Variants in FLVCR2 observed in about 807,000 individuals in gnomAD.
FLVCR2 encodes choline/ethanolamine transporter FLVCR2.
A neutral mutation model predicts 48.9 loss-of-function variants in FLVCR2; 38 were observed. That is an observed-to-expected ratio of 0.78 (90% confidence interval 0.60 to 1.02). FLVCR2 has a LOEUF of 1.02. FLVCR2 is among the 50% of genes least tolerant of loss of function. The pLI is 0.00. For missense variants in FLVCR2, 664 were observed against 663.3 expected, an observed-to-expected ratio of 1.00 and a Z score of -0.01; for synonymous variants, 255 against 257.0, an observed-to-expected ratio of 0.99 and a Z score of 0.07.
intron 3 of FLVCR2, chr14:75,632,703 G>A (rs1275894707): frequency 4.3e-6 from 3 of 702,284 alleles, no homozygotes; most frequent in Admixed American, 4.0e-5. Context: ...CTAATATGGA[G>A]TGTGCCGGTG....
chr14:75,622,001 A>G (rs964321071), intron 1 of FLVCR2, 78 bp from the exon 2 acceptor site: 64 of 1,437,894 alleles, frequency 4.5e-5, no homozygotes, highest in Admixed American at 1.2e-4. Context: ...TAGATTTCTT[A>G]TTAGGAATCT....
chr14:75,600,478 C>T (rs1397057997), intron 1 of FLVCR2, among the ~76,000 whole-genome samples: 3 of 152,150 alleles, frequency 2.0e-5, no homozygotes, highest in Non-Finnish European at 4.4e-5. Flanking sequence ...TATGGACTTC[C>T]CCCAAATTCT....
intron 3 of FLVCR2, among the ~76,000 whole-genome samples, chr14:75,630,934 G>T (rs1476724878): frequency 6.6e-6 from 1 of 152,178 alleles, no homozygotes; most frequent in Admixed American, 6.5e-5. Context: ...ACTCCTGTAA[G>T]GGGTACTCAC....
At chr14:75,644,038 G>GA (rs111764331) in intron 9 of FLVCR2, among the ~76,000 whole-genome samples, 76,622 of 140,266 alleles carry the variant, frequency 0.55, 22,507 homozygotes, top group Non-Finnish European at 0.67. Flanking sequence ...ACTCCATCTC[G>GA]AAAAAAAAAA....
intron 1 of FLVCR2, among the ~76,000 whole-genome samples, chr14:75,606,494 T>C (rs533391067): frequency 6.6e-6 from 1 of 152,326 alleles, no homozygotes; most frequent in South Asian, 2.1e-4. Context: ...ATCCCTTCTC[T>C]GCTGAGAAGC....
chr14:75,641,467 C>A (rs948897035), intron 8 of FLVCR2, among the ~76,000 whole-genome samples, 174 bp downstream of exon 8: 19 of 152,092 alleles, frequency 1.2e-4, no homozygotes, highest in Non-Finnish European at 2.9e-5. Context: ...GGTTTTGGAG[C>A]CAGAAGACTC....
chr14:75,641,312 G>T lies in FLVCR2; in HGVS notation c.1453+19G>T. 6.4e-7 allele frequency: 1 copy of T among 1,563,430 alleles called. No homozygotes were observed. The highest frequency in any genetic ancestry group is 1.1e-5 in the South Asian group (1 of 89,994). On this transcript the variant is annotated intron_variant, in intron 8 of 9. Coordinates refer to ENST00000238667, the MANE Select transcript of FLVCR2 (RefSeq NM_017791.3). Reference sequence around the variant, plus strand: ...CTCACTGGTGAGTTGGAGCCTGAGGGCAAGATGAGGCTCAGGTTGGCCATT... The same window carrying T: ...CTCACTGGTGAGTTGGAGCCTGAGGTCAAGATGAGGCTCAGGTTGGCCATT...
chr14:75,632,463 T>A (rs1436541682), intron 3 of FLVCR2: 2 of 590,100 alleles, frequency 3.4e-6, no homozygotes, highest in African/African-American at 3.7e-5. Context: ...ATGGGGCCCC[T>A]GGAAGCTACC....
intron 3 of FLVCR2, among the ~76,000 whole-genome samples, chr14:75,628,399 C>T (rs1429076837): frequency 6.6e-6 from 1 of 152,114 alleles, no homozygotes; most frequent in Non-Finnish European, 1.5e-5. Flanking sequence ...TCTAAAATGC[C>T]CTCTATCAAT....
Position 75,643,487 on chromosome 14 carries a change from C to T in FLVCR2, c.1509+1589C>T, listed in dbSNP as rs551389757. 3.0e-4 allele frequency among the ~76,000 whole-genome samples: 45 copies of T among 152,256 alleles called. 1 individual carries two copies. Among genetic ancestry groups the T allele is most frequent in the Middle Eastern group, 3.4e-3 (1 of 294 alleles). On this transcript the variant is annotated intron_variant, in intron 9 of 9. Transcript: ENST00000238667. The stretch of plus-strand genomic sequence containing the variant: ...AGTATTTTTCATTTTGAAAAATCTT[C>T]GCCAATTTTCTAAGGCAAGAGATAT...
At chr14:75,644,118 T>C (rs1025521290) in intron 9 of FLVCR2, among the ~76,000 whole-genome samples, 55 of 145,698 alleles carry the variant, frequency 3.8e-4, no homozygotes, top group East Asian at 4.0e-4. Flanking sequence ...AGGTTTCAGT[T>C]TGGAACGTGA....
chr14:75,620,269 T>C (rs1422618334), intron 1 of FLVCR2, among the ~76,000 whole-genome samples: 1 of 152,128 alleles, frequency 6.6e-6, no homozygotes, highest in East Asian at 1.9e-4. Context: ...CAGCTAAAGC[T>C]CCAAGGACAC....
chr14:75,632,532 C>A (rs1429890830), intron 3 of FLVCR2: 2 of 673,994 alleles, frequency 3.0e-6, no homozygotes, highest in Non-Finnish European at 5.4e-6. Flanking sequence ...GGGTGGTTGC[C>A]ATACCCACCT....
intron 1 of FLVCR2, among the ~76,000 whole-genome samples, chr14:75,587,901 G>A (rs1304674576): frequency 3.9e-5 from 6 of 152,160 alleles, no homozygotes; most frequent in African/African-American, 1.4e-4. Context: ...ATAGCACAGT[G>A]CAATCTAGAA....
intron 5 of FLVCR2, among the ~76,000 whole-genome samples, chr14:75,636,654 A>G (rs1048952493): frequency 1.3e-5 from 2 of 152,210 alleles, no homozygotes; most frequent in African/African-American, 2.4e-5. Context: ...TCCAGTGGTC[A>G]GCACAAGATA....
chr14:75,594,123 A>G (rs953356083), intron 1 of FLVCR2, among the ~76,000 whole-genome samples: 1 of 152,240 alleles, frequency 6.6e-6, no homozygotes, highest in Non-Finnish European at 1.5e-5. Flanking sequence ...CAAGTAGATA[A>G]CAAGAATGGC....
At chr14:75,645,025 G>T (rs1246457028) in intron 9 of FLVCR2, among the ~76,000 whole-genome samples, 2 of 137,352 alleles carry the variant, frequency 1.5e-5, no homozygotes, top group African/African-American at 5.4e-5. Flanking sequence ...TTTGGAGGAG[G>T]CGGGCGTGGT....
Position 75,633,647 on chromosome 14 carries a change from T to C in FLVCR2, c.971T>C (p.Phe324Ser). The part of the protein sequence containing the change: ...VITYGLNAGA[F>S]YALSTLLNRM... ...TCTTCAGGTCTGAATGCTGGTGCTT[T>C]TTATGCCTTGTCCACTCTTCTGAAT... Residue 324 changes from phenylalanine to serine, a missense_variant, in exon 4 of 10, where the codon TTT becomes TCT. Transcript: ENST00000238667. The C allele has an allele frequency of 6.2e-7, 1 of 1,614,134 alleles. No individual in the cohort carries two copies. Among genetic ancestry groups the C allele is most frequent in the Non-Finnish European group, 8.5e-7 (1 of 1,179,966 alleles).
At chr14:75,639,488 T>C (rs1254190098) in intron 6 of FLVCR2, 26 bp downstream of exon 6, 1 of 1,472,486 alleles carries the variant, frequency 6.8e-7, no homozygotes, top group African/African-American at 1.4e-5. Context: ...GGCTGATTTA[T>C]TAGAAAATAC....
Sources: allele counts gnomAD v4.1 joint callset (sites outside exome capture counted in the v4.1 genomes callset), GRCh38; gene constraint gnomAD v4.1.1; transcripts MANE v1.5; gene names NCBI Gene and HGNC (gene_info 2026-07-23, HGNC 2026-07-21).